The following GABPB1 variants were observed in gnomAD, a reference collection of about 807,000 sequenced individuals.
GABPB1 encodes GA-binding protein subunit beta-1.
A neutral mutation model predicts 45.9 loss-of-function variants in GABPB1; 15 were observed. The ratio of observed to expected loss-of-function variants is 0.33; its 90% CI spans 0.22 to 0.50. The LOEUF (loss-of-function observed/expected upper bound fraction) is 0.50, where lower values mean the gene tolerates loss of function less well. Among genes scored for constraint, GABPB1 ranks in the 20% least tolerant of loss-of-function variants. GABPB1 has a pLI of 0.98. For synonymous variants in GABPB1, 143 were observed against 154.4 expected (o/e 0.93, Z 0.55); for missense variants, 252 against 457.5 (o/e 0.55, Z 4.10).
In GABPB1 at chr15:50,302,935, T is replaced by C. The variant is rs1026662123; in HGVS notation, c.465A>G (p.Ile155Met). The C allele has an allele frequency of 6.2e-7, 1 of 1,608,638 alleles. No homozygotes were observed. Among genetic ancestry groups the C allele is most frequent in the Non-Finnish European group, 8.5e-7 (1 of 1,176,690 alleles). ...ATTAAAAGCCAAAAGTTACCTGTAATATCTCTGCTAAATCTTCATTTCCAT... is the reference window on the plus strand; with the variant it reads ...ATTAAAAGCCAAAAGTTACCTGTAACATCTCTGCTAAATCTTCATTTCCAT... The part of the protein sequence containing the change: ...IDNGNEDLAE[I>M]LQIAMQNQIN... The change falls in exon 4 of 9, where the codon ATA becomes ATG. Residue 155 changes from isoleucine (I) to methionine (M), a missense_variant. Around this residue, in one of 4 missense-constraint regions of GABPB1, gnomAD observed 193 missense variants for 259.9 expected, o/e 0.74. Coordinates refer to ENST00000380877, the MANE Select transcript of GABPB1 (RefSeq NM_016654.5).
At position 50,301,348 on chromosome 15, in the gene GABPB1, G is replaced by A; in HGVS notation, c.492C>T (p.Ile164=). Reference sequence around the variant, plus strand: ...TGTCAGGACTCTCTGGGTTTGTGTTGATTTGGTTCTGCATAGCAATCTAGG... The same window carrying A: ...TGTCAGGACTCTCTGGGTTTGTGTTAATTTGGTTCTGCATAGCAATCTAGG... ...EILQIAMQNQ[I]NTNPESPDTV... The change falls in exon 5 of 9, where the codon ATC becomes ATT. Residue 164 remains isoleucine, a synonymous_variant. Coordinates refer to ENST00000380877, the MANE Select transcript of GABPB1 (RefSeq NM_016654.5). 2 of 1,613,014 alleles carry A rather than the reference G, an allele frequency of 1.2e-6. No homozygotes were observed. Among genetic ancestry groups the A allele is most frequent in the Non-Finnish European group, 1.7e-6 (2 of 1,179,534 alleles).
intron 5 of GABPB1, 82 bp from the exon 6 acceptor site, chr15:50,300,984 ACT>A: frequency 1.1e-6 from 1 of 910,768 alleles, no homozygotes; most frequent in Non-Finnish European, 1.7e-6. Context: ...TATCTTACTG[ACT>A]CTTAAACAAA....
intron 1 of GABPB1, chr15:50,354,760 G>A (rs776902158): frequency 1.5e-5 from 4 of 262,250 alleles, no homozygotes; most frequent in South Asian, 9.1e-5. Flanking sequence ...GAAGCAGTGT[G>A]CCCAGCGGAC....
chr15:50,289,595 A>G lies in GABPB1; in HGVS notation c.771T>C (p.Gly257=). 4.3e-6 allele frequency: 7 copies of G among 1,612,850 alleles called. No individual in the cohort carries two copies. Among genetic ancestry groups the G allele is most frequent in the Non-Finnish European group, 5.9e-6 (7 of 1,179,604 alleles). The change falls in exon 7 of 9, where the codon GGT becomes GGC. Residue 257 remains glycine, a synonymous_variant. Transcript: ENST00000380877. ...GAIQQVVSSG[G]QQVITIVTDG... ...CTGTAACTATTGTGATGACTTGCTG[A>G]CCCCCTGAACTAACTACTTGCTGAA...
At chr15:50,310,347 C>A (rs1363487727) in intron 1 of GABPB1, among the ~76,000 whole-genome samples, 3 of 152,182 alleles carry the variant, frequency 2.0e-5, no homozygotes, top group Non-Finnish European at 2.9e-5. Flanking sequence ...CCCGCCTTGG[C>A]CTCCCAAAGT....
At chr15:50,293,222 G>A (rs1038294689) in intron 6 of GABPB1, among the ~76,000 whole-genome samples, 1 of 152,074 alleles carries the variant, frequency 6.6e-6, no homozygotes, top group African/African-American at 2.4e-5. Context: ...TGGCATCATG[G>A]ATATCAGTGA....
chr15:50,314,195 A>ATTTTT (rs543031188), intron 1 of GABPB1, among the ~76,000 whole-genome samples: 20 of 149,636 alleles, frequency 1.3e-4, no homozygotes, highest in Non-Finnish European at 2.2e-4. Context: ...TTATTTATTT[A>ATTTTT]TTTTTTGAGA....
At chr15:50,288,772 A>G (rs1016184320) in intron 7 of GABPB1, among the ~76,000 whole-genome samples, 3 of 152,168 alleles carry the variant, frequency 2.0e-5, no homozygotes, top group Non-Finnish European at 2.9e-5. Context: ...AGAATTCACA[A>G]TAAAGCTGCT....
chr15:50,287,663 G>A (rs1352957517), intron 7 of GABPB1, among the ~76,000 whole-genome samples: 4 of 152,214 alleles, frequency 2.6e-5, no homozygotes, highest in African/African-American at 9.6e-5. Context: ...AGAGCTGTGA[G>A]AAATCATTAG....
At chr15:50,335,968 G>A (rs1477399416) in intron 1 of GABPB1, among the ~76,000 whole-genome samples, 4 of 150,318 alleles carry the variant, frequency 2.7e-5, no homozygotes, top group Admixed American at 1.3e-4. Flanking sequence ...GATATATTTG[G>A]AAGTGACCTT....
At position 50,282,819 on chromosome 15, in the gene GABPB1, C is replaced by T. The variant is rs539325771; in HGVS notation, c.999+3249G>A. Among the ~76,000 whole-genome samples the T allele has an allele frequency of 3.0e-3, 461 of 152,218 alleles. 5 individuals carry two copies. The highest frequency in any genetic ancestry group is 0.011 in the African/African-American group (445 of 41,532). ...CCTATAATCCCAGCACTCTGGGGGG[C>T]TGAAGCGGATGGATCACCTGAGGTC... On this transcript the variant is annotated intron_variant, in intron 8 of 8. Coordinates refer to ENST00000380877, the MANE Select transcript of GABPB1 (RefSeq NM_016654.5).
intron 6 of GABPB1, among the ~76,000 whole-genome samples, chr15:50,298,549 C>T (rs1357839158): frequency 6.6e-6 from 1 of 152,182 alleles, no homozygotes; most frequent in Non-Finnish European, 1.5e-5. Context: ...ATGCATATAA[C>T]TGCTAATGGC....
At position 50,304,137 on chromosome 15, in the gene GABPB1, T is replaced by A; in HGVS notation, c.109-4A>T. 5.1e-6 allele frequency: 8 copies of A among 1,560,970 alleles called. No homozygotes were observed. The highest frequency in any genetic ancestry group is 2.1e-5 in the Admixed American group (1 of 47,614). On this transcript the variant is annotated splice_region_variant and splice_polypyrimidine_tract_variant and intron_variant, in intron 2 of 8. Transcript: ENST00000380877. Reference sequence around the variant, plus strand: ...GATGAAGTGGAGAAGTTCCCAGCTGTACCACAGAAAAAAAAAAAAATCCAC... The same window carrying A: ...GATGAAGTGGAGAAGTTCCCAGCTGAACCACAGAAAAAAAAAAAAATCCAC...
At chr15:50,326,489 C>A (rs2047768975) in intron 1 of GABPB1, among the ~76,000 whole-genome samples, 1 of 152,050 alleles carries the variant, frequency 6.6e-6, no homozygotes, top group South Asian at 2.1e-4. Context: ...GAAACCCCGT[C>A]TCTACTAAAC....
intron 6 of GABPB1, among the ~76,000 whole-genome samples, chr15:50,291,892 T>A (rs2046353068): frequency 1.4e-5 from 2 of 142,196 alleles, no homozygotes; most frequent in Non-Finnish European, 1.5e-5. Flanking sequence ...CACTCCAGCC[T>A]GGGTGACAGA....
chr15:50,317,903 C>T lies in GABPB1; in HGVS notation c.1-8105G>A, dbSNP rs571421916. Among the ~76,000 whole-genome samples, 342 of 112,464 alleles carry T rather than the reference C, an allele frequency of 3.0e-3. 3 individuals carry two copies. The highest frequency in any genetic ancestry group is 2.8e-3 in the Non-Finnish European group (145 of 51,428). 73.8% of individuals were successfully genotyped at this position (112,464 alleles called of 152,430 possible). ...CAGCCTGGGCGACAGAGCAAGACTC[C>T]GTATCAAAAAAAAAAAAAAAATTAG... On this transcript the variant is annotated intron_variant, in intron 1 of 8. Coordinates refer to ENST00000380877, the MANE Select transcript of GABPB1 (RefSeq NM_016654.5).
At chr15:50,336,464 C>T (rs568158480) in intron 1 of GABPB1, among the ~76,000 whole-genome samples, 88 of 151,924 alleles carry the variant, frequency 5.8e-4, no homozygotes, top group Admixed American at 9.8e-4. Context: ...GAAGCCGAGG[C>T]AGGCGGATTG....
chr15:50,277,429 T>C lies in GABPB1; in HGVS notation c.*1203A>G, dbSNP rs1347874869. ...AAGAAAAAGGGGTTTGAAGTAATAT[T>C]TTACCAAAAAAAAAAAAGAAAAAGT... On this transcript the variant is annotated 3_prime_UTR_variant, in exon 9 of 9. Transcript: ENST00000380877. The C allele has an allele frequency of 6.9e-6, 1 of 145,832 alleles. No homozygotes were observed. Among genetic ancestry groups the C allele is most frequent in the Non-Finnish European group, 1.5e-5 (1 of 67,356 alleles). 9.0% of individuals were successfully genotyped at this position (145,832 alleles called of 1,614,324 possible).
At chr15:50,290,417 C>G (rs1403602785) in intron 6 of GABPB1, among the ~76,000 whole-genome samples, 1 of 152,018 alleles carries the variant, frequency 6.6e-6, no homozygotes, top group Non-Finnish European at 1.5e-5. Context: ...ATGGCAAAAC[C>G]CTGTCTCTAC....
Sources: allele counts gnomAD v4.1 joint callset (sites outside exome capture counted in the v4.1 genomes callset), GRCh38; gene constraint gnomAD v4.1.1; regional missense constraint gnomAD v4.1.1; transcripts MANE v1.5; gene names NCBI Gene and HGNC (gene_info 2026-07-23, HGNC 2026-07-21).